The following RIC1 variants were observed in gnomAD, a reference collection of about 807,000 sequenced individuals.
RIC1 encodes guanine nucleotide exchange factor subunit RIC1.
A neutral mutation model predicts 169.0 loss-of-function variants in RIC1; 88 were observed. The ratio of observed to expected loss-of-function variants is 0.52; its 90% CI spans 0.44 to 0.62. RIC1 has a LOEUF of 0.62. RIC1 is among the 20% of genes least tolerant of loss of function. The probability of loss-of-function intolerance (pLI) is 0.00; values close to 1 mark genes in which losing one functional copy is unlikely to be tolerated. For missense variants in RIC1, 1,877 were observed against 1,725.5 expected (o/e 1.09, Z -1.56); for synonymous variants, 790 against 601.5 (o/e 1.31, Z -4.59).
rs754608581 is a variant in RIC1 at position 5,689,939 on chromosome 9, T to G, written c.253-20T>G. The G allele has an allele frequency of 2.5e-5, 37 of 1,489,022 alleles. No individual in the cohort carries two copies. The highest frequency in any genetic ancestry group is 3.1e-5 in the Non-Finnish European group (34 of 1,079,556). 92.2% of individuals were successfully genotyped at this position (1,489,022 alleles called of 1,614,324 possible). ...ATAGCCTTACTCTTTAATTCATGAT[T>G]AATAAAATTTCTCTTTCAGACGGCA... On this transcript the variant is annotated intron_variant, in intron 2 of 25. Transcript: ENST00000414202.
chr9:5,669,345 C>T (rs1819960408), intron 2 of RIC1, among the ~76,000 whole-genome samples: 1 of 152,186 alleles, frequency 6.6e-6, no homozygotes, highest in Non-Finnish European at 1.5e-5. Flanking sequence ...TTTGTGTTCT[C>T]ACAGCTTAGC....
chr9:5,678,082 G>C, intron 2 of RIC1, among the ~76,000 whole-genome samples: 1 of 151,572 alleles, frequency 6.6e-6, no homozygotes, highest in Non-Finnish European at 1.5e-5. Context: ...CCACCTATGA[G>C]TGAGAACATG....
chr9:5,697,079 G>A (rs1454911768), intron 3 of RIC1, among the ~76,000 whole-genome samples: 1 of 152,180 alleles, frequency 6.6e-6, no homozygotes, highest in African/African-American at 2.4e-5. Flanking sequence ...CTGTATTTGT[G>A]GAGTGTCACT....
intron 3 of RIC1, among the ~76,000 whole-genome samples, chr9:5,697,583 A>G (rs1262044135): frequency 6.6e-6 from 1 of 152,218 alleles, no homozygotes; most frequent in African/African-American, 2.4e-5. Flanking sequence ...AATACTTTTT[A>G]TTATTGTAAG....
chr9:5,690,257 TC>T (rs1224876460), intron 3 of RIC1, among the ~76,000 whole-genome samples: 1 of 152,126 alleles, frequency 6.6e-6, no homozygotes, highest in East Asian at 1.9e-4. Context: ...AAGACTATTT[TC>T]TTGGGTATTC....
chr9:5,773,419 A>C (rs778582908), intron 25 of RIC1, among the ~76,000 whole-genome samples: 4 of 152,194 alleles, frequency 2.6e-5, no homozygotes, highest in Non-Finnish European at 5.9e-5. Flanking sequence ...AATGGTCTAC[A>C]AATATCTACT....
intron 3 of RIC1, among the ~76,000 whole-genome samples, chr9:5,709,438 G>C (rs1822799390): frequency 6.6e-6 from 1 of 152,054 alleles, no homozygotes; most frequent in African/African-American, 2.4e-5. Flanking sequence ...TCTTAGCTTT[G>C]TGATCAAGAG....
intron 12 of RIC1, among the ~76,000 whole-genome samples, chr9:5,750,587 G>C (rs117806182): frequency 1.3e-5 from 2 of 152,012 alleles, no homozygotes; most frequent in Non-Finnish European, 2.9e-5. Flanking sequence ...GCAGGAGACA[G>C]AGTTTTAGCA....
chr9:5,683,442 C>T (rs1586941085), intron 2 of RIC1, among the ~76,000 whole-genome samples: 2 of 152,200 alleles, frequency 1.3e-5, no homozygotes, highest in Admixed American at 6.5e-5. Flanking sequence ...GTATCAGCAG[C>T]AGTGGCTGCA....
At chr9:5,722,761 A>T (rs192370916) in intron 6 of RIC1, among the ~76,000 whole-genome samples, 3 of 152,066 alleles carry the variant, frequency 2.0e-5, no homozygotes, top group African/African-American at 7.2e-5. Context: ...CTTGTGTCCA[A>T]GTGTTCTCAT....
At chr9:5,656,256 A>G (rs974639560) in intron 1 of RIC1, among the ~76,000 whole-genome samples, 6 of 152,302 alleles carry the variant, frequency 3.9e-5, no homozygotes, top group African/African-American at 1.4e-4. Context: ...TCCTGCTTCT[A>G]TCTTGTGGAA....
At chr9:5,700,698 T>A (rs374672867) in intron 3 of RIC1, among the ~76,000 whole-genome samples, 1 of 152,152 alleles carries the variant, frequency 6.6e-6, no homozygotes, top group Non-Finnish European at 1.5e-5. Context: ...AAGCATGATA[T>A]ATGCATTGTG....
intron 3 of RIC1, among the ~76,000 whole-genome samples, chr9:5,707,515 T>C (rs1018188250): frequency 5.9e-5 from 9 of 152,168 alleles, no homozygotes; most frequent in Non-Finnish European, 1.2e-4. Flanking sequence ...TTCAGTTTTG[T>C]GTTCTTTCTT....
At chr9:5,660,439 TA>T (rs2130483258) in intron 2 of RIC1, among the ~76,000 whole-genome samples, 1 of 152,302 alleles carries the variant, frequency 6.6e-6, no homozygotes, top group African/African-American at 2.4e-5. Context: ...CTGTCTTCCA[TA>T]ATGGTTGAAC....
intron 3 of RIC1, among the ~76,000 whole-genome samples, chr9:5,696,350 C>G (rs933450134): frequency 6.6e-6 from 1 of 152,020 alleles, no homozygotes; most frequent in Non-Finnish European, 1.5e-5. Context: ...ACCCACAATT[C>G]CTATTTAATG....
At chr9:5,638,044 G>A (rs936752832) in intron 1 of RIC1, among the ~76,000 whole-genome samples, 9 of 152,076 alleles carry the variant, frequency 5.9e-5, no homozygotes, top group African/African-American at 1.9e-4. Context: ...TTTTTTTAGG[G>A]TTTTTATGAA....
At chr9:5,681,529 C>A (rs908189539) in intron 2 of RIC1, among the ~76,000 whole-genome samples, 1 of 152,118 alleles carries the variant, frequency 6.6e-6, no homozygotes, top group Non-Finnish European at 1.5e-5. Context: ...AATTTCTGTT[C>A]TTTTACATTT....
intron 7 of RIC1, among the ~76,000 whole-genome samples, chr9:5,734,622 A>G (rs1824583874): frequency 6.6e-6 from 1 of 152,186 alleles, no homozygotes; most frequent in Admixed American, 6.5e-5. Flanking sequence ...GTTGTAGTAG[A>G]AACACCCATC....
At chr9:5,772,416 G>T in intron 23 of RIC1, 148 bp from the exon 24 acceptor site, 1 of 615,666 alleles carries the variant, frequency 1.6e-6, no homozygotes, top group Non-Finnish European at 2.7e-6. Flanking sequence ...TGTTTTCTAT[G>T]TTCACATGGT....
Sources: allele counts gnomAD v4.1 joint callset (sites outside exome capture counted in the v4.1 genomes callset), GRCh38; gene constraint gnomAD v4.1.1; transcripts MANE v1.5; gene names NCBI Gene and HGNC (gene_info 2026-07-23, HGNC 2026-07-21).